The following OSBPL10 variants were observed in gnomAD, a reference collection of about 807,000 sequenced individuals.
OSBPL10 encodes oxysterol-binding protein-related protein 10.
Under a neutral mutation model 81.7 loss-of-function variants are expected in OSBPL10, and 49 were observed. That is an observed-to-expected ratio of 0.60 (90% CI 0.48 to 0.76). The LOEUF is 0.76. Among genes scored for constraint, OSBPL10 ranks in the 30% least tolerant of loss-of-function variants. The pLI, the probability that OSBPL10 is intolerant of heterozygous loss-of-function variation, is 0.00. For synonymous variants in OSBPL10, 419 were observed against 383.6 expected, an observed-to-expected ratio of 1.09 and a Z score of -1.08; for missense variants, 923 against 987.8, an observed-to-expected ratio of 0.93 and a Z score of 0.88.
intron 6 of OSBPL10, chr3:31,718,786 C>T (rs1274031046): frequency 6.6e-6 from 1 of 152,100 alleles, no homozygotes; most frequent in East Asian, 1.9e-4. Context: ...AAGTATCCTG[C>T]ATAAAACTGC....
At chr3:31,705,201 T>A (rs752479295) in intron 6 of OSBPL10, among the ~76,000 whole-genome samples, 3 of 152,188 alleles carry the variant, frequency 2.0e-5, no homozygotes, top group Non-Finnish European at 4.4e-5. Context: ...TCCCACAGCC[T>A]CTGAGAACTT....
intron 6 of OSBPL10, chr3:31,732,573 T>C (rs1038810025): frequency 1.3e-5 from 2 of 152,326 alleles, no homozygotes; most frequent in Non-Finnish European, 2.9e-5. Context: ...AAAAATGGAC[T>C]CAGGACACAA....
At chr3:32,023,954 T>C (rs2125547080) in intron 2 of OSBPL10, among the ~76,000 whole-genome samples, 1 of 152,306 alleles carries the variant, frequency 6.6e-6, no homozygotes, top group South Asian at 2.1e-4. Context: ...CTTAAACCGA[T>C]AAACTGTTTA....
intron 4 of OSBPL10, among the ~76,000 whole-genome samples, chr3:31,827,706 G>GA (rs1294213736): frequency 1.3e-5 from 2 of 151,938 alleles, no homozygotes; most frequent in Non-Finnish European, 2.9e-5. Context: ...AATACACAGG[G>GA]AAAAAAACCC....
chr3:32,050,661 AT>A (rs57922283), intron 1 of OSBPL10, among the ~76,000 whole-genome samples: 96,705 of 140,044 alleles, frequency 0.69, 33,813 homozygotes, highest in South Asian at 0.82. Context: ...ATACAAAAGG[AT>A]TTTTTTTTTT....
chr3:31,980,841 GCACACACACACA>G, intron 1 of OSBPL10, 46 bp downstream of exon 1: 1 of 1,346,498 alleles, frequency 7.4e-7, no homozygotes, highest in Non-Finnish European at 9.9e-7. Context: ...ACACACGCAC[GCACACACACACA>G]CACACACACA....
chr3:31,741,244 C>A (rs17028175), intron 5 of OSBPL10, among the ~76,000 whole-genome samples: 1 of 152,122 alleles, frequency 6.6e-6, no homozygotes, highest in Non-Finnish European at 1.5e-5. Flanking sequence ...GGAAAGCCAG[C>A]GCCTTGGTAT....
chr3:31,793,987 G>A (rs955337606), intron 4 of OSBPL10, among the ~76,000 whole-genome samples: 13 of 152,186 alleles, frequency 8.5e-5, no homozygotes, highest in African/African-American at 2.4e-4. Flanking sequence ...ATGTTGGTTG[G>A]TGTCGAGTGT....
chr3:31,987,715 T>C lies in OSBPL10; in HGVS notation n.298+58776A>G, dbSNP rs76879498. On this transcript the variant is annotated intron_variant and non_coding_transcript_variant, in intron 2 of 3. Transcript: ENST00000479173. ...AAGAGAGGAAGCCGGAAGGACCTCC[T>C]GAAGCCTAGTCTGGGAACTGGTATA... Among the ~76,000 whole-genome samples, 20 of 152,342 alleles carry C rather than the reference T, an allele frequency of 1.3e-4. No homozygotes were observed. In the East Asian group the frequency reaches 3.5e-3, roughly 26 times the overall value.
At chr3:31,990,992 C>A in intron 2 of OSBPL10, 1 of 1,551,956 alleles carries the variant, frequency 6.4e-7, no homozygotes, top group Non-Finnish European at 8.7e-7. Context: ...TCACTCCTTG[C>A]AAAACATCAG....
intron 4 of OSBPL10, among the ~76,000 whole-genome samples, chr3:31,791,849 C>CAAA (rs10536591): frequency 8.0e-6 from 1 of 124,556 alleles, no homozygotes; most frequent in Non-Finnish European, 1.8e-5. Flanking sequence ...TTACAAAGAG[C>CAAA]AAAAAAAAAA....
At chr3:31,885,632 G>C (rs1695710254) in intron 1 of OSBPL10, among the ~76,000 whole-genome samples, 1 of 151,978 alleles carries the variant, frequency 6.6e-6, no homozygotes, top group South Asian at 2.1e-4. Flanking sequence ...GTCGGGGAAG[G>C]AACTGGGCCT....
chr3:31,812,842 AAGAACGAACTT>A (rs1559476609), intron 4 of OSBPL10, among the ~76,000 whole-genome samples: 1 of 141,472 alleles, frequency 7.1e-6, no homozygotes, highest in East Asian at 2.4e-4. Context: ...GAAAGAAAGA[AAGAACGAACTT>A]CTCCAATAAC....
chr3:31,781,019 A>T (rs1698683067), intron 4 of OSBPL10, among the ~76,000 whole-genome samples: 1 of 152,146 alleles, frequency 6.6e-6, no homozygotes, highest in African/African-American at 2.4e-5. Context: ...CAAAAAGAAA[A>T]CTACAGACCA....
intron 6 of OSBPL10, chr3:31,716,998 A>C (rs1696464085): frequency 6.6e-6 from 1 of 152,232 alleles, no homozygotes; most frequent in Non-Finnish European, 1.5e-5. Flanking sequence ...AATAATCAGG[A>C]GCATCACAAA....
At chr3:31,895,131 G>A (rs532383787) in intron 1 of OSBPL10, among the ~76,000 whole-genome samples, 2 of 126,038 alleles carry the variant, frequency 1.6e-5, no homozygotes, top group African/African-American at 6.9e-5. Context: ...AATTCTCTGC[G>A]GCCTTTTTTT....
intron 2 of OSBPL10, among the ~76,000 whole-genome samples, chr3:32,033,498 T>C (rs541649034): frequency 2.2e-4 from 33 of 152,212 alleles, no homozygotes; most frequent in Middle Eastern, 3.2e-3. Flanking sequence ...AACTCTGTAT[T>C]GCAGCCAATA....
intron 1 of OSBPL10, among the ~76,000 whole-genome samples, chr3:31,948,418 T>C (rs1390794351): frequency 6.6e-6 from 1 of 152,132 alleles, no homozygotes; most frequent in East Asian, 1.9e-4. Flanking sequence ...ACTGAAGGCT[T>C]ACCTCCCAAG....
At chr3:31,814,321 G>A (rs1699779651) in intron 4 of OSBPL10, among the ~76,000 whole-genome samples, 2 of 152,244 alleles carry the variant, frequency 1.3e-5, no homozygotes, top group Admixed American at 6.5e-5. Flanking sequence ...TGACCTAAAC[G>A]AATGTCAAAG....
Sources: allele counts gnomAD v4.1 joint callset (sites outside exome capture counted in the v4.1 genomes callset), GRCh38; gene constraint gnomAD v4.1.1; transcripts MANE v1.5; gene names NCBI Gene and HGNC (gene_info 2026-07-23, HGNC 2026-07-21).